SRP54: variants seen among roughly 807,000 people sequenced by gnomAD.
SRP54 encodes the protein signal recognition particle subunit SRP54.
Under a neutral mutation model 64.8 loss-of-function variants are expected in SRP54, and 10 were observed. The ratio of observed to expected loss-of-function variants is 0.15; its 90% confidence interval spans 0.10 to 0.26. SRP54 has a LOEUF of 0.26. Ranked by LOEUF, SRP54 falls within the 10% of genes least tolerant of loss-of-function variation. The pLI is 1.00. For missense variants in SRP54, 325 were observed against 613.7 expected (o/e 0.53, Z 4.97); for synonymous variants, 193 against 185.6 (o/e 1.04, Z -0.32).
chr14:34,995,949 C>T lies in SRP54; in HGVS notation c.-33-728C>T, dbSNP rs75572773. On this transcript the variant is annotated intron_variant, in intron 1 of 15. Coordinates refer to ENST00000216774, the MANE Select transcript of SRP54 (RefSeq NM_003136.4). ...GCATGGTGGCATGCACCTGTGGTCCCAGCTACTTGGGGGGCTAAGGCAGGA... is the reference window on the plus strand; with the variant it reads ...GCATGGTGGCATGCACCTGTGGTCCTAGCTACTTGGGGGGCTAAGGCAGGA... Among the ~76,000 whole-genome samples, 1,431 of 151,844 alleles carry T rather than the reference C, an allele frequency of 9.4e-3. 9 individuals are homozygous for T. The highest frequency in any genetic ancestry group is 0.013 in the Non-Finnish European group (896 of 67,962).
At chr14:34,994,472 C>T (rs996013889) in intron 1 of SRP54, among the ~76,000 whole-genome samples, 1 of 152,094 alleles carries the variant, frequency 6.6e-6, no homozygotes, top group African/African-American at 2.4e-5. Flanking sequence ...TTCCCCAGAC[C>T]GTGTTTTTAG....
At chr14:35,011,805 A>T (rs754882528) in intron 8 of SRP54, 146 bp downstream of exon 8, 1 of 586,022 alleles carries the variant, frequency 1.7e-6, no homozygotes, top group Admixed American at 3.7e-5. Context: ...ACCTATATCT[A>T]TGTGGTAGGG....
At chr14:35,012,127 A>G (rs1287999226) in intron 8 of SRP54, among the ~76,000 whole-genome samples, 1 of 151,664 alleles carries the variant, frequency 6.6e-6, no homozygotes, top group African/African-American at 2.4e-5. Context: ...GAGGCAGGAG[A>G]ATAGCTTGAA....
chr14:34,983,580 C>G (rs571980814), intron 1 of SRP54, among the ~76,000 whole-genome samples: 1 of 152,158 alleles, frequency 6.6e-6, no homozygotes, highest in Non-Finnish European at 1.5e-5. Flanking sequence ...AACACAATGT[C>G]CTGCGTGTAG....
intron 1 of SRP54, among the ~76,000 whole-genome samples, chr14:34,991,909 C>T (rs889433867): frequency 6.6e-6 from 1 of 152,148 alleles, no homozygotes; most frequent in Non-Finnish European, 1.5e-5. Context: ...TACTCCTCTA[C>T]TGAAATGCAG....
intron 14 of SRP54, among the ~76,000 whole-genome samples, chr14:35,024,935 T>C (rs956149676): frequency 1.3e-5 from 2 of 152,064 alleles, no homozygotes; most frequent in Non-Finnish European, 1.5e-5. Context: ...CCATCTTTAC[T>C]GGCCAGGCTG....
chr14:34,990,948 G>A (rs1451762674), intron 1 of SRP54, among the ~76,000 whole-genome samples: 2 of 151,732 alleles, frequency 1.3e-5, no homozygotes, highest in African/African-American at 2.4e-5. Context: ...CTCTGGTCTC[G>A]CTTTTTCCCT....
intron 3 of SRP54, 59 bp downstream of exon 3, chr14:34,999,708 G>A: frequency 8.2e-7 from 1 of 1,213,476 alleles, no homozygotes; most frequent in Non-Finnish European, 1.2e-6. Flanking sequence ...ACTGGAAAGA[G>A]GTGCTAACTG....
At chr14:34,995,134 G>GGTGTGTGTGTGTGT (rs35829734) in intron 1 of SRP54, among the ~76,000 whole-genome samples, 24 of 70,328 alleles carry the variant, frequency 3.4e-4, no homozygotes, top group East Asian at 4.4e-4. Flanking sequence ...ATCAATAAAG[G>GGTGTGTGTGTGTGT]GTGTGTGTGT....
chr14:35,026,097 T>A (rs1020391957), intron 14 of SRP54, among the ~76,000 whole-genome samples: 5 of 140,978 alleles, frequency 3.5e-5, no homozygotes, highest in Non-Finnish European at 7.8e-5. Flanking sequence ...TTCTATTCAT[T>A]GTTGTAGTGA....
intron 1 of SRP54, among the ~76,000 whole-genome samples, chr14:34,987,716 A>C (rs1054406872): frequency 6.6e-6 from 1 of 152,166 alleles, no homozygotes; most frequent in Non-Finnish European, 1.5e-5. Flanking sequence ...CTTTTTGGCT[A>C]TTATGAATAA....
intron 1 of SRP54, among the ~76,000 whole-genome samples, chr14:34,995,403 A>G (rs560007724): frequency 3.3e-5 from 5 of 152,146 alleles, no homozygotes; most frequent in African/African-American, 9.6e-5. Context: ...AGACCCACAA[A>G]GAACCAGTGT....
intron 1 of SRP54, among the ~76,000 whole-genome samples, chr14:34,992,890 A>C (rs1166988173): frequency 6.6e-6 from 1 of 151,838 alleles, no homozygotes; most frequent in Non-Finnish European, 1.5e-5. Context: ...TTATTTGGAG[A>C]TGGAGTCTCA....
At chr14:35,019,547 T>C (rs1451158068) in intron 13 of SRP54, among the ~76,000 whole-genome samples, 1 of 152,224 alleles carries the variant, frequency 6.6e-6, no homozygotes, top group African/African-American at 2.4e-5. Flanking sequence ...TGAAAGTCTC[T>C]TCACGGAGCT....
intron 13 of SRP54, 37 bp from the exon 14 acceptor site, chr14:35,022,870 AATG>A: frequency 6.6e-7 from 1 of 1,521,446 alleles, no homozygotes; most frequent in Non-Finnish European, 8.9e-7. Flanking sequence ...TTTGATGGTG[AATG>A]ATAATTGTGT....
chr14:35,022,363 CTT>C (rs914392799), intron 13 of SRP54, among the ~76,000 whole-genome samples: 2 of 145,432 alleles, frequency 1.4e-5, no homozygotes. Context: ...TCCGTATTTT[CTT>C]TTTTTTTTTG....
chr14:34,985,621 A>G (rs189498980), intron 1 of SRP54, among the ~76,000 whole-genome samples: 65 of 152,316 alleles, frequency 4.3e-4, no homozygotes, highest in African/African-American at 1.5e-3. Context: ...CACTGTATCT[A>G]AAGATGTTTC....
intron 10 of SRP54, among the ~76,000 whole-genome samples, chr14:35,014,251 T>G (rs540371926): frequency 4.0e-5 from 6 of 151,086 alleles, no homozygotes; most frequent in African/African-American, 1.2e-4. Context: ...GTCCTTGCTT[T>G]GCCACTTGTT....
At chr14:35,028,265 A>G (rs985521847) in intron 15 of SRP54, 82 bp downstream of exon 15, 5 of 828,352 alleles carry the variant, frequency 6.0e-6, no homozygotes, top group Non-Finnish European at 9.5e-6. Flanking sequence ...TTATTGTAAT[A>G]TTATGAAAAT....
Sources: gnomAD v4.1 joint callset for allele counts (sites outside exome capture counted in the v4.1 genomes callset) on GRCh38, gnomAD v4.1.1 for gene constraint, MANE v1.5 for transcripts, NCBI Gene and HGNC (gene_info 2026-07-23, HGNC 2026-07-21) for gene names.